RBFOX1: variants seen among roughly 807,000 people sequenced by gnomAD.
RBFOX1 encodes the protein RNA binding protein fox-1 homolog 1.
In RBFOX1, 8 loss-of-function variants were observed where a neutral mutation model predicts 57.7. The ratio of observed to expected loss-of-function variants is 0.14; its 90% CI spans 0.08 to 0.25. The LOEUF is 0.25. Ranked by LOEUF, RBFOX1 falls within the 10% of genes least tolerant of loss-of-function variation. RBFOX1 has a pLI of 1.00. For missense variants in RBFOX1, 611 were observed against 548.5 expected (o/e 1.11, Z -1.14); for synonymous variants, 326 against 222.4 (o/e 1.47, Z -4.15).
At chr16:7,529,413 G>C (rs533141536) in intron 5 of RBFOX1, among the ~76,000 whole-genome samples, 2 of 152,296 alleles carry the variant, frequency 1.3e-5, no homozygotes, top group East Asian at 3.9e-4. Context: ...AAAATTACAA[G>C]CGTGATGGTA....
intron 3 of RBFOX1, among the ~76,000 whole-genome samples, chr16:6,853,128 A>G (rs1289688811): frequency 6.6e-6 from 1 of 152,126 alleles, no homozygotes; most frequent in Non-Finnish European, 1.5e-5. Context: ...TGATTGTGCG[A>G]ACTTGGGAAA....
intron 4 of RBFOX1, among the ~76,000 whole-genome samples, chr16:7,310,106 C>A (rs2096274864): frequency 6.6e-6 from 1 of 152,206 alleles, no homozygotes; most frequent in East Asian, 1.9e-4. Context: ...CTCTCAGGCA[C>A]AATGGCCCAG....
intron 4 of RBFOX1, among the ~76,000 whole-genome samples, chr16:5,878,051 A>G (rs114904103): frequency 1.8e-3 from 278 of 152,350 alleles, no homozygotes; most frequent in African/African-American, 6.4e-3. Context: ...CACAGACACC[A>G]CATTCCATGA....
In RBFOX1 at chr16:7,304,915, GGTGTGTGTGTGTGTGT is replaced by G. The variant is rs59599069; in HGVS notation, c.28-213203_28-213188del. Among the ~76,000 whole-genome samples, 699 of 140,596 alleles carry G rather than the reference GGTGTGTGTGTGTGTGT, an allele frequency of 5.0e-3. 6 individuals are homozygous for G. The highest frequency in any genetic ancestry group is 0.017 in the African/African-American group (639 of 37,560). The allele number at this position is 140,596 out of a possible 152,430, so 92.2% of individuals were successfully genotyped here. ...AGGAGAAGTGTGTGGTGTGTGGTGTGGTGTGTGTGTGTGTGTGTGTGTGTGTGTGTGTGTGTGTGTG... is the reference window on the plus strand; with the variant it reads ...AGGAGAAGTGTGTGGTGTGTGGTGTGGTGTGTGTGTGTGTGTGTGTGTGTG... On this transcript the variant is annotated intron_variant, in intron 4 of 15. Coordinates refer to ENST00000550418, the MANE Select transcript of RBFOX1 (RefSeq NM_018723.4).
intron 12 of RBFOX1, among the ~76,000 whole-genome samples, chr16:7,657,312 A>G (rs1241211309): frequency 6.6e-6 from 1 of 152,090 alleles, no homozygotes; most frequent in Non-Finnish European, 1.5e-5. Flanking sequence ...CTTTTAAAAA[A>G]AATTTTTTTT....
intron 1 of RBFOX1, among the ~76,000 whole-genome samples, chr16:5,343,886 T>C (rs545976302): frequency 1.3e-5 from 2 of 152,344 alleles, no homozygotes; most frequent in South Asian, 4.1e-4. Flanking sequence ...TTTTGCAGTA[T>C]GTATACTGTG....
chr16:6,812,240 G>A (rs916232434), intron 3 of RBFOX1, among the ~76,000 whole-genome samples: 30 of 152,236 alleles, frequency 2.0e-4, no homozygotes, highest in African/African-American at 6.7e-4. Context: ...CACATTTCCT[G>A]TTTTGTTAAG....
At chr16:6,973,103 C>T (rs1324712303) in intron 3 of RBFOX1, among the ~76,000 whole-genome samples, 1 of 151,640 alleles carries the variant, frequency 6.6e-6, no homozygotes, top group Non-Finnish European at 1.5e-5. Flanking sequence ...TGCACTCCAG[C>T]CTGGGTGACG....
At chr16:6,771,844 A>T (rs2078348851) in intron 3 of RBFOX1, among the ~76,000 whole-genome samples, 1 of 152,168 alleles carries the variant, frequency 6.6e-6, no homozygotes. Context: ...GATGGGGCAG[A>T]AGATGCATTA....
intron 4 of RBFOX1, among the ~76,000 whole-genome samples, chr16:5,906,380 C>T (rs1245937025): frequency 1.3e-5 from 2 of 152,190 alleles, no homozygotes; most frequent in Admixed American, 6.5e-5. Flanking sequence ...GGTAATGTTT[C>T]TGCAAAGAAT....
chr16:5,504,410 C>G (rs59565541), intron 2 of RBFOX1, among the ~76,000 whole-genome samples: 8 of 152,342 alleles, frequency 5.3e-5, no homozygotes, highest in African/African-American at 1.9e-4. Flanking sequence ...CTTTTGTCTT[C>G]AGGCCATTGA....
At chr16:5,635,302 C>G (rs2048647414) in intron 3 of RBFOX1, among the ~76,000 whole-genome samples, 1 of 152,170 alleles carries the variant, frequency 6.6e-6, no homozygotes, top group Admixed American at 6.5e-5. Context: ...AGGGATCATA[C>G]AAAACAGTTT....
intron 14 of RBFOX1, among the ~76,000 whole-genome samples, chr16:7,705,499 A>G (rs963919718): frequency 6.6e-6 from 1 of 152,102 alleles, no homozygotes; most frequent in Non-Finnish European, 1.5e-5. Flanking sequence ...AGCAAGACCA[A>G]CTCAAAAAAA....
chr16:7,188,679 A>T (rs1198671817), intron 4 of RBFOX1, among the ~76,000 whole-genome samples: 1 of 152,204 alleles, frequency 6.6e-6, no homozygotes, highest in African/African-American at 2.4e-5. Context: ...CATGTCCTGC[A>T]GCAGGTTTCA....
At chr16:6,890,684 G>A (rs1288955503) in intron 3 of RBFOX1, among the ~76,000 whole-genome samples, 1 of 152,172 alleles carries the variant, frequency 6.6e-6, no homozygotes. Context: ...TCTGTCCCCA[G>A]TTTCCTGGGA....
intron 4 of RBFOX1, among the ~76,000 whole-genome samples, chr16:7,062,713 A>G (rs1358442648): frequency 6.6e-6 from 1 of 152,024 alleles, no homozygotes; most frequent in African/African-American, 2.4e-5. Flanking sequence ...GGTGAAGAAA[A>G]CAAGCATGAT....
intron 3 of RBFOX1, among the ~76,000 whole-genome samples, chr16:5,827,457 A>G (rs1482291586): frequency 6.6e-6 from 1 of 151,462 alleles, no homozygotes; most frequent in Non-Finnish European, 1.5e-5. Flanking sequence ...CTCATATTCT[A>G]CTTCTACACA....
At chr16:7,650,148 G>C (rs1275734499) in intron 11 of RBFOX1, among the ~76,000 whole-genome samples, 5 of 152,042 alleles carry the variant, frequency 3.3e-5, no homozygotes, top group African/African-American at 4.8e-5. Context: ...AAAGGAATGT[G>C]ATCGATGAGC....
chr16:5,652,014 G>T (rs1461724705), intron 3 of RBFOX1, among the ~76,000 whole-genome samples: 2 of 152,070 alleles, frequency 1.3e-5, no homozygotes, highest in Non-Finnish European at 2.9e-5. Context: ...CATGCCTATA[G>T]TCCCAGCTAC....
Sources: gnomAD v4.1 joint callset for allele counts (sites outside exome capture counted in the v4.1 genomes callset) on GRCh38, gnomAD v4.1.1 for gene constraint, MANE v1.5 for transcripts, NCBI Gene and HGNC (gene_info 2026-07-23, HGNC 2026-07-21) for gene names.